TRAPPC12: variants seen among roughly 807,000 people sequenced by gnomAD.
The protein encoded by TRAPPC12 is TPR repeat protein 15.
Under a neutral mutation model 69.2 loss-of-function variants are expected in TRAPPC12, and 61 were observed. That is an observed-to-expected ratio of 0.88 (90% CI 0.72 to 1.09). TRAPPC12 has a LOEUF of 1.09. Among genes scored for constraint, TRAPPC12 ranks in the 50% least tolerant of loss-of-function variants. The pLI, the probability that TRAPPC12 is intolerant of heterozygous loss-of-function variation, is 0.00. For synonymous variants in TRAPPC12, 469 were observed against 438.9 expected (o/e 1.07, Z -0.86); for missense variants, 1,101 against 1,016.4 (o/e 1.08, Z -1.13).
chr2:3,401,680 T>G (rs556888582), intron 2 of TRAPPC12, 97 bp from the exon 3 acceptor site: 5 of 718,470 alleles, frequency 7.0e-6, no homozygotes, highest in Non-Finnish European at 1.1e-5. Flanking sequence ...CACAAGCCAG[T>G]GGAGAAAAAA....
chr2:3,459,773 C>T (rs1255570435), intron 7 of TRAPPC12, among the ~76,000 whole-genome samples: 1 of 152,218 alleles, frequency 6.6e-6, no homozygotes, highest in Non-Finnish European at 1.5e-5. Context: ...CCGGCGTCTG[C>T]ACCAGCCCAT....
chr2:3,383,356 T>A (rs1254517860), intron 1 of TRAPPC12, among the ~76,000 whole-genome samples: 1 of 152,204 alleles, frequency 6.6e-6, no homozygotes, highest in Non-Finnish European at 1.5e-5. Context: ...TATTTTCTTC[T>A]GAAAGTTTTG....
chr2:3,463,854 GC>G (rs758129450), intron 8 of TRAPPC12, among the ~76,000 whole-genome samples: 17 of 152,132 alleles, frequency 1.1e-4, no homozygotes, highest in African/African-American at 4.1e-4. Context: ...AACAGACATT[GC>G]CCAGCATGAT....
At chr2:3,391,182 C>T (rs1262893293) in intron 2 of TRAPPC12, among the ~76,000 whole-genome samples, 3 of 152,118 alleles carry the variant, frequency 2.0e-5, no homozygotes, top group African/African-American at 4.8e-5. Flanking sequence ...CTGTACATGA[C>T]GGGGCGCCCC....
At chr2:3,433,289 C>T (rs1053357682) in intron 5 of TRAPPC12, among the ~76,000 whole-genome samples, 1 of 152,150 alleles carries the variant, frequency 6.6e-6, no homozygotes, top group Non-Finnish European at 1.5e-5. Flanking sequence ...AAAGCACTCG[C>T]GTAACTTGAA....
In TRAPPC12 at chr2:3,465,581, G is replaced by GT. The variant is rs774459095; in HGVS notation, c.1678-11dup. 33 of 1,602,174 alleles carry GT rather than the reference G, an allele frequency of 2.1e-5. No homozygotes were observed. The highest frequency in any genetic ancestry group is 2.4e-5 in the Non-Finnish European group (28 of 1,169,262). On this transcript the variant is annotated splice_polypyrimidine_tract_variant and intron_variant, in intron 8 of 11. Transcript: ENST00000324266. Reference sequence around the variant, plus strand: ...TGTTCTCAGCTCTAAAGTACGTTGGGTTTTTCTTCCCACAGGATTATGTGC... The same window carrying GT: ...TGTTCTCAGCTCTAAAGTACGTTGGGTTTTTTCTTCCCACAGGATTATGTGC...
intron 3 of TRAPPC12, among the ~76,000 whole-genome samples, chr2:3,418,914 C>A (rs1437704122): frequency 6.6e-6 from 1 of 152,208 alleles, no homozygotes; most frequent in Non-Finnish European, 1.5e-5. Flanking sequence ...TCCTGTGCCA[C>A]CCCATCCTCA....
intron 9 of TRAPPC12, among the ~76,000 whole-genome samples, chr2:3,468,327 C>T (rs1665913779): frequency 6.6e-6 from 1 of 152,064 alleles, no homozygotes; most frequent in African/African-American, 2.4e-5. Flanking sequence ...GCACAGGGCT[C>T]AGGAGCTGGG....
intron 2 of TRAPPC12, among the ~76,000 whole-genome samples, chr2:3,396,156 T>C (rs1327264111): frequency 6.6e-6 from 1 of 152,176 alleles, no homozygotes; most frequent in Non-Finnish European, 1.5e-5. Context: ...TGAGCCACCA[T>C]GCCCAGCCTC....
intron 3 of TRAPPC12, among the ~76,000 whole-genome samples, chr2:3,421,293 C>T (rs1662769894): frequency 6.6e-6 from 1 of 152,222 alleles, no homozygotes; most frequent in Admixed American, 6.5e-5. Context: ...CCAGCCTTTC[C>T]ATGTTGAAGC....
At chr2:3,402,450 A>C (rs148904614) in intron 3 of TRAPPC12, among the ~76,000 whole-genome samples, 4 of 152,052 alleles carry the variant, frequency 2.6e-5, no homozygotes. Flanking sequence ...TTAGCTGGGC[A>C]TGGTGGTGCG....
At chr2:3,472,924 G>A (rs1228262613) in intron 9 of TRAPPC12, among the ~76,000 whole-genome samples, 1 of 152,144 alleles carries the variant, frequency 6.6e-6, no homozygotes, top group Admixed American at 6.5e-5. Context: ...GGGGTTTCTG[G>A]CCAAGCAGAC....
intron 7 of TRAPPC12, chr2:3,458,491 C>T: frequency 1.0e-6 from 1 of 977,032 alleles, no homozygotes; most frequent in East Asian, 1.1e-4. Flanking sequence ...GAACTGCTGG[C>T]TGGTGTGAGC....
intron 3 of TRAPPC12, among the ~76,000 whole-genome samples, chr2:3,407,264 T>G (rs997310956): frequency 1.3e-5 from 2 of 152,244 alleles, no homozygotes; most frequent in African/African-American, 4.8e-5. Flanking sequence ...TGATTTTTAT[T>G]AGACTATTTT....
At chr2:3,416,468 ACCCCTACCCCTTCACTGTGCCCTC>A (rs1365622622) in intron 3 of TRAPPC12, among the ~76,000 whole-genome samples, 373 of 147,620 alleles carry the variant, frequency 2.5e-3, no homozygotes, top group Non-Finnish European at 4.3e-3. Context: ...TCCTAGGCAC[ACCCCTACCCCTTCACTGTGCCCTC>A]CCCCTACCCC....
chr2:3,450,948 A>C (rs1262515519), intron 6 of TRAPPC12, among the ~76,000 whole-genome samples: 1 of 152,208 alleles, frequency 6.6e-6, no homozygotes, highest in Non-Finnish European at 1.5e-5. Flanking sequence ...TGCAGACAGC[A>C]CTTTCCACAC....
rs1484982219 is a variant in TRAPPC12, at chr2:3,414,760, G to A, written c.1165-7121G>A. On this transcript the variant is annotated intron_variant, in intron 3 of 11. Coordinates refer to ENST00000324266, the MANE Select transcript of TRAPPC12 (RefSeq NM_016030.6). The surrounding 1 kb of genome is among the most constrained non-coding windows in gnomAD (Gnocchi z 4.9). ...CGTGCATTCCTCTTGTTCATCGTGC[G>A]AGACTCCCCACCCCTGTGCCACCGG... Among the ~76,000 whole-genome samples the A allele has an allele frequency of 6.6e-6, 1 of 151,958 alleles. No homozygotes were observed. The highest frequency in any genetic ancestry group is 1.5e-5 in the Non-Finnish European group (1 of 67,994).
Position 3,478,612 on chromosome 2 carries a change from C to T in TRAPPC12, c.1878-234C>T, listed in dbSNP as rs1162045470. ...TCGTGCCACTGCACTACAGCCTGGG[C>T]AACGAGAGCAAAACTCCATCTAAAA... On this transcript the variant is annotated intron_variant, in intron 10 of 11. Coordinates refer to ENST00000324266, the MANE Select transcript of TRAPPC12 (RefSeq NM_016030.6). The T allele has an allele frequency of 1.1e-5, 5 of 447,214 alleles. 1 individual carries two copies. Among genetic ancestry groups the T allele is most frequent in the Admixed American group, 1.1e-4 (3 of 27,254 alleles). 27.7% of individuals were successfully genotyped at this position (447,214 alleles called of 1,614,324 possible). A position where few individuals can be genotyped will look rare whatever the true frequency, so the allele number is the denominator to read the frequency against.
intron 5 of TRAPPC12, among the ~76,000 whole-genome samples, chr2:3,431,182 C>T (rs551419585): frequency 4.1e-4 from 63 of 152,364 alleles, no homozygotes; most frequent in African/African-American, 1.4e-3. Flanking sequence ...AGGCCACCTG[C>T]TGCCCTCGCC....
Sources: gnomAD v4.1 joint callset for allele counts (sites outside exome capture counted in the v4.1 genomes callset) on GRCh38, gnomAD v4.1.1 for gene constraint, Gnocchi (gnomAD v3.1) non-coding constraint, MANE v1.5 for transcripts, NCBI Gene and HGNC (gene_info 2026-07-23, HGNC 2026-07-21) for gene names.